ZBTB20: variants seen among roughly 807,000 people sequenced by gnomAD.
ZBTB20 encodes the protein zinc finger and BTB domain containing 20.
A neutral mutation model predicts 56.9 loss-of-function variants in ZBTB20; 9 were observed. That is an observed-to-expected ratio of 0.16 (90% CI 0.10 to 0.28). The LOEUF (loss-of-function observed/expected upper bound fraction) is 0.28. ZBTB20 is among the 10% of genes least tolerant of loss of function. The pLI is 1.00. For synonymous variants in ZBTB20, 417 were observed against 420.7 expected (o/e 0.99, Z 0.11); for missense variants, 655 against 1,003.0 (o/e 0.65, Z 4.69).
intron 6 of ZBTB20, among the ~76,000 whole-genome samples, chr3:114,511,372 C>A (rs1337704239): frequency 6.6e-6 from 1 of 152,056 alleles, no homozygotes; most frequent in Non-Finnish European, 1.5e-5. Flanking sequence ...TCCCTCGGTT[C>A]TACTAGTAAC....
chr3:114,860,242 G>A (rs2075459430), intron 4 of ZBTB20, among the ~76,000 whole-genome samples: 1 of 151,796 alleles, frequency 6.6e-6, no homozygotes, highest in African/African-American at 2.4e-5. Context: ...GGGAGGTGGA[G>A]GTTGCAGTGA....
intron 6 of ZBTB20, among the ~76,000 whole-genome samples, chr3:114,656,558 T>A (rs1288311109): frequency 6.6e-6 from 1 of 152,194 alleles, no homozygotes; most frequent in Non-Finnish European, 1.5e-5. Context: ...GTTCTTTACA[T>A]TAATAATTTC....
At chr3:114,771,606 T>C (rs543366289) in intron 5 of ZBTB20, among the ~76,000 whole-genome samples, 10 of 152,330 alleles carry the variant, frequency 6.6e-5, no homozygotes, top group Non-Finnish European at 1.2e-4. Flanking sequence ...AATGATATAA[T>C]AGAAATTATA....
At chr3:114,818,175 T>C (rs1352369386) in intron 4 of ZBTB20, among the ~76,000 whole-genome samples, 3 of 152,014 alleles carry the variant, frequency 2.0e-5, no homozygotes, top group Non-Finnish European at 4.4e-5. Flanking sequence ...TAAACTTTTA[T>C]GGACATTTTT....
chr3:115,116,877 T>C (rs16823504), intron 1 of ZBTB20, among the ~76,000 whole-genome samples: 7,029 of 152,138 alleles, frequency 0.046, 554 homozygotes, highest in African/African-American at 0.16. Context: ...TCATCATGTA[T>C]CTGTATTCAA....
chr3:114,494,505 C>T (rs941833628), intron 7 of ZBTB20, among the ~76,000 whole-genome samples: 1 of 152,202 alleles, frequency 6.6e-6, no homozygotes, highest in Non-Finnish European at 1.5e-5. Context: ...CTAAACACTG[C>T]TTTCCTCTTG....
intron 4 of ZBTB20, among the ~76,000 whole-genome samples, chr3:114,839,520 A>T (rs536918036): frequency 1.3e-5 from 2 of 152,196 alleles, no homozygotes; most frequent in East Asian, 3.9e-4. Flanking sequence ...GAAATCTCAG[A>T]TATATCTATA....
At chr3:115,102,325 G>A (rs1316438873) in intron 1 of ZBTB20, among the ~76,000 whole-genome samples, 2 of 151,998 alleles carry the variant, frequency 1.3e-5, no homozygotes, top group African/African-American at 4.8e-5. Context: ...GTGTGCCCAA[G>A]GTACCAGCAT....
chr3:114,504,901 A>G (rs1424773905), intron 6 of ZBTB20, among the ~76,000 whole-genome samples: 1 of 152,218 alleles, frequency 6.6e-6, no homozygotes, highest in South Asian at 2.1e-4. Flanking sequence ...TGGCGTCTGA[A>G]TAAGTGTGTG....
chr3:114,809,173 C>CT (rs1250506278), intron 4 of ZBTB20, among the ~76,000 whole-genome samples: 1 of 151,476 alleles, frequency 6.6e-6, no homozygotes, highest in Non-Finnish European at 1.5e-5. Context: ...TTGTGTTTAT[C>CT]CAACATGGAG....
At chr3:115,140,662 C>T (rs1481907426) in intron 1 of ZBTB20, among the ~76,000 whole-genome samples, 1 of 151,926 alleles carries the variant, frequency 6.6e-6, no homozygotes, top group African/African-American at 2.4e-5. Context: ...AATGAGGGCA[C>T]ACTAAAATGA....
At chr3:114,385,691 A>C (rs2085029118) in intron 8 of ZBTB20, among the ~76,000 whole-genome samples, 1 of 152,076 alleles carries the variant, frequency 6.6e-6, no homozygotes, top group African/African-American at 2.4e-5. Context: ...ACATGGTGAA[A>C]TCCTGTCTCT....
intron 6 of ZBTB20, among the ~76,000 whole-genome samples, chr3:114,521,126 A>G (rs1337420562): frequency 6.6e-6 from 1 of 152,134 alleles, no homozygotes; most frequent in East Asian, 1.9e-4. Context: ...ATATTTTTCT[A>G]TGTCTTAATA....
chr3:114,823,480 C>T (rs2073362213), intron 4 of ZBTB20, among the ~76,000 whole-genome samples: 1 of 151,928 alleles, frequency 6.6e-6, no homozygotes, highest in Admixed American at 6.6e-5. Context: ...AATCAAAGAA[C>T]TCTATGAAAG....
intron 7 of ZBTB20, among the ~76,000 whole-genome samples, chr3:114,489,795 G>C (rs74576654): frequency 1.3e-5 from 2 of 152,268 alleles, no homozygotes; most frequent in South Asian, 4.2e-4. Flanking sequence ...CAGCAATTTA[G>C]CTTTTAGTCA....
At chr3:115,091,346 C>G (rs1293046792) in intron 1 of ZBTB20, among the ~76,000 whole-genome samples, 1 of 151,770 alleles carries the variant, frequency 6.6e-6, no homozygotes, top group Non-Finnish European at 1.5e-5. Flanking sequence ...TTGCCCAATC[C>G]CTACAAAAAT....
chr3:115,097,848 T>C (rs1170649925), intron 1 of ZBTB20, among the ~76,000 whole-genome samples: 2 of 152,246 alleles, frequency 1.3e-5, no homozygotes, highest in Non-Finnish European at 1.5e-5. Context: ...AGTTTATTTA[T>C]GCACATTTTA....
At chr3:114,594,207 A>G (rs1266962073) in intron 6 of ZBTB20, among the ~76,000 whole-genome samples, 1 of 152,180 alleles carries the variant, frequency 6.6e-6, no homozygotes, top group African/African-American at 2.4e-5. Flanking sequence ...CCCATAAATT[A>G]AAATGTAGTT....
At chr3:114,584,314 T>C (rs1042988479) in intron 6 of ZBTB20, among the ~76,000 whole-genome samples, 4 of 152,138 alleles carry the variant, frequency 2.6e-5, no homozygotes, top group African/African-American at 7.2e-5. Context: ...AAATCAAAAA[T>C]AGTGTATCAT....
Sources: gnomAD v4.1 joint callset for allele counts (sites outside exome capture counted in the v4.1 genomes callset) on GRCh38, gnomAD v4.1.1 for gene constraint, MANE v1.5 for transcripts, NCBI Gene and HGNC (gene_info 2026-07-23, HGNC 2026-07-21) for gene names.